Variants in SPRY3 observed in about 807,000 individuals in gnomAD.
SPRY3 encodes protein sprouty homolog 3.
In SPRY3, 15 loss-of-function variants were observed where a neutral mutation model predicts 20.2. The ratio of observed to expected loss-of-function variants is 0.74; its 90% CI spans 0.50 to 1.14. The LOEUF is 1.14. SPRY3 is among the 50% of genes most tolerant of loss of function. The pLI is 0.00. For synonymous variants in SPRY3, 143 were observed against 136.5 expected (o/e 1.05, Z -0.33); for missense variants, 364 against 363.9 (o/e 1.00, Z 0.00).
At chrX:155,669,385 T>A (rs893993561) in intron 2 of SPRY3, among the ~76,000 whole-genome samples, 2 of 111,139 alleles carry the variant, frequency 1.8e-5, no homozygotes, top group Admixed American at 1.9e-4. Flanking sequence ...TTCCTTCTTA[T>A]CCTTCCCCTA....
At chrX:155,648,709 G>A (rs1426161168) in intron 1 of SPRY3, among the ~76,000 whole-genome samples, 1 of 111,496 alleles carries the variant, frequency 9.0e-6, no homozygotes, top group Admixed American at 9.6e-5. Context: ...TAGCCTTCTA[G>A]TATAGTTTGA....
At chrX:155,705,926 A>C (rs2090947701) in intron 2 of SPRY3, among the ~76,000 whole-genome samples, 1 of 151,344 alleles carries the variant, frequency 6.6e-6, no homozygotes, top group South Asian at 2.1e-4. Flanking sequence ...ATTATAGCTG[A>C]ACACTTCGAC....
At chrX:155,717,133 T>C (rs1054634775) in intron 2 of SPRY3, among the ~76,000 whole-genome samples, 3 of 147,286 alleles carry the variant, frequency 2.0e-5, no homozygotes, top group South Asian at 2.2e-4. Flanking sequence ...CACTCCAGCC[T>C]GGGTGACAGA....
chrX:155,767,710 G>T (rs1236471585), intron 2 of SPRY3: 3 of 106,830 alleles, frequency 2.8e-5, no homozygotes, highest in Admixed American at 8.9e-5. Context: ...GAAAGAAGAG[G>T]AGGAGGAGAA....
downstream of SPRY3, chrX:155,780,286 G>A (rs28729587): frequency 0.12 from 19,773 of 166,994 alleles, 1,431 homozygotes; most frequent in Admixed American, 0.19. Context: ...GGTCCTTGAA[G>A]AACTAACTAA....
chrX:155,619,092 G>A (rs1317470113), intron 1 of SPRY3, among the ~76,000 whole-genome samples: 1 of 49,013 alleles, frequency 2.0e-5, no homozygotes, highest in Non-Finnish European at 5.4e-5. Flanking sequence ...CGCTTTAGAT[G>A]TCAAGTCTTT....
chrX:155,725,797 G>C (rs1166940326), intron 2 of SPRY3, among the ~76,000 whole-genome samples: 1 of 152,004 alleles, frequency 6.6e-6, no homozygotes, highest in Admixed American at 6.6e-5. Context: ...TTTTTGAAGG[G>C]TTTTTTGTTT....
At chrX:155,682,382 T>A (rs1181193827) in intron 2 of SPRY3, among the ~76,000 whole-genome samples, 1 of 112,707 alleles carries the variant, frequency 8.9e-6, no homozygotes, top group Non-Finnish European at 1.9e-5. Flanking sequence ...CTGATGGAAA[T>A]GTACAAGAAT....
intron 2 of SPRY3, among the ~76,000 whole-genome samples, chrX:155,723,684 C>T (rs1391852056): frequency 6.6e-6 from 1 of 152,016 alleles, no homozygotes; most frequent in East Asian, 1.9e-4. Flanking sequence ...TGGATATTAG[C>T]CCTTTGTCAG....
chrX:155,774,726 A>T (rs375226152), exon 4 of SPRY3: 142 of 1,611,906 alleles, frequency 8.8e-5, no homozygotes, highest in Non-Finnish European at 1.2e-4. Context: ...AGGCCCAGGA[A>T]AAGTCTGTAT....
At chrX:155,724,278 G>A (rs2091082800) in intron 2 of SPRY3, among the ~76,000 whole-genome samples, 1 of 152,066 alleles carries the variant, frequency 6.6e-6, no homozygotes, top group Non-Finnish European at 1.5e-5. Flanking sequence ...GCTCCTTTTT[G>A]GTTCCATATG....
intron 1 of SPRY3, among the ~76,000 whole-genome samples, chrX:155,640,840 T>C (rs2067938043): frequency 8.9e-6 from 1 of 111,742 alleles, no homozygotes; most frequent in African/African-American, 3.2e-5. Flanking sequence ...AGTCTTTAGG[T>C]TTTTCCAAGT....
chrX:155,737,946 T>A (rs1306643673), intron 2 of SPRY3, among the ~76,000 whole-genome samples: 1 of 152,204 alleles, frequency 6.6e-6, no homozygotes, highest in African/African-American at 2.4e-5. Flanking sequence ...CTCTGATTTC[T>A]ATTTTTAATT....
intron 2 of SPRY3, among the ~76,000 whole-genome samples, chrX:155,729,745 G>T (rs1281576752): frequency 6.7e-6 from 1 of 149,708 alleles, no homozygotes; most frequent in Non-Finnish European, 1.5e-5. Context: ...GAAAATAATA[G>T]AAAATACCAA....
intron 1 of SPRY3, among the ~76,000 whole-genome samples, chrX:155,637,547 T>C (rs146741928): frequency 2.1e-4 from 23 of 111,123 alleles, no homozygotes; most frequent in Non-Finnish European, 3.6e-4. Context: ...CCACCACCAG[T>C]TGGCAGTACC....
intron 2 of SPRY3, among the ~76,000 whole-genome samples, chrX:155,754,116 T>G (rs1264961663): frequency 1.3e-5 from 2 of 152,036 alleles, no homozygotes; most frequent in African/African-American, 4.8e-5. Flanking sequence ...ATCTATTTCT[T>G]CTTTTGTCAC....
chrX:155,767,543 G>A (rs1414016521), intron 2 of SPRY3, among the ~76,000 whole-genome samples: 3 of 151,464 alleles, frequency 2.0e-5, no homozygotes, highest in African/African-American at 4.9e-5. Flanking sequence ...GGAGGCGGAG[G>A]CGGAGGCGAA....
intron 2 of SPRY3, 91 bp from the exon 2 acceptor site, chrX:155,767,871 C>G (rs1449235241): frequency 1.3e-5 from 2 of 153,516 alleles, no homozygotes; most frequent in East Asian, 3.8e-4. Flanking sequence ...AAAGTATATG[C>G]CACTACAGGT....
At chrX:155,782,021 C>A (rs2091465955) in exon 2 of SPRY3, 1 of 166,988 alleles carries the variant, frequency 6.0e-6, no homozygotes, top group African/African-American at 2.4e-5. Flanking sequence ...CAGTCAACCA[C>A]AACATGGCCT....
Sources: allele counts gnomAD v4.1 joint callset (sites outside exome capture counted in the v4.1 genomes callset), GRCh38; gene constraint gnomAD v4.1.1; transcripts MANE v1.5; gene names NCBI Gene and HGNC (gene_info 2026-07-23, HGNC 2026-07-21).